PLSCR2: variants seen among roughly 807,000 people sequenced by gnomAD.
PLSCR2 encodes the protein phospholipid scramblase 2, also known as PL scramblase 2.
PLSCR2 carries 18 observed loss-of-function variants against 25.3 expected under a neutral mutation model. The ratio of observed to expected loss-of-function variants is 0.71; its 90% CI spans 0.49 to 1.06. The LOEUF (loss-of-function observed/expected upper bound fraction) is 1.06, where lower values mean the gene tolerates loss of function less well. Among genes scored for constraint, PLSCR2 ranks in the 50% least tolerant of loss-of-function variants. The pLI is 0.00. For missense variants in PLSCR2, 243 were observed against 269.5 expected (o/e 0.90, Z 0.69); for synonymous variants, 88 against 87.3 (o/e 1.01, Z -0.04).
Position 146,394,108 on chromosome 3 carries a change from C to CT in PLSCR2, c.*145+1651dup, listed in dbSNP as rs1319286179. The stretch of plus-strand genomic sequence containing the variant: ...TTTCTATTTTTTGGAGTCTTAATGT[C>CT]TTTTTTTTCCCCTGGTATTAATTTA... On this transcript the variant is annotated intron_variant and NMD_transcript_variant, in intron 3 of 3. Transcript: ENST00000463633. 4.6e-5 allele frequency among the ~76,000 whole-genome samples: 7 copies of CT among 151,728 alleles called. No homozygotes were observed. In the East Asian group the frequency reaches 7.7e-4, roughly 17 times the overall value.
In PLSCR2 at chr3:146,454,037, T is replaced by C. The variant is rs917179904; in HGVS notation, c.448A>G (p.Ile150Val). The C allele has an allele frequency of 1.9e-6, 3 of 1,608,542 alleles. No homozygotes were observed. The highest frequency in any genetic ancestry group is 2.5e-6 in the Non-Finnish European group (3 of 1,178,572). Residue 150 changes from isoleucine to valine, a missense_variant, in exon 5 of 7, where the codon ATC becomes GTC. Transcript: ENST00000610787. ...ACACCCGCAATACAGCTGCACACGA[T>C]ACATGGACCACTAATTTTTAGTACA...
At chr3:146,408,477 T>A (rs2038731308) in intron 2 of PLSCR2, among the ~76,000 whole-genome samples, 1 of 152,204 alleles carries the variant, frequency 6.6e-6, no homozygotes, top group African/African-American at 2.4e-5. Flanking sequence ...TTTGAATGCT[T>A]TATCAGCGGC....
intron 2 of PLSCR2, among the ~76,000 whole-genome samples, chr3:146,459,206 G>A (rs10935632): frequency 0.57 from 86,987 of 151,754 alleles, 25,383 homozygotes; most frequent in South Asian, 0.76. Context: ...TCTTCCAAAG[G>A]AAAAAAGCAT....
At position 146,400,959 on chromosome 3, in the gene PLSCR2, T is replaced by C. The variant is rs138490149; in HGVS notation, c.101-5038A>G. The stretch of plus-strand genomic sequence containing the variant: ...GTGTTTAAACAACTAAATATTAAAG[T>C]GGGAAAAAATGGATCTCAACACTTT... On this transcript the variant is annotated intron_variant and NMD_transcript_variant, in intron 2 of 3. Transcript: ENST00000463633. Among the ~76,000 whole-genome samples the C allele has an allele frequency of 2.0e-4, 30 of 151,808 alleles. No individual in the cohort carries two copies. In the East Asian group the frequency reaches 4.8e-3, roughly 24 times the overall value.
downstream of PLSCR2, among the ~76,000 whole-genome samples, chr3:146,431,587 CACTA>C (rs569554527): frequency 9.5e-4 from 145 of 152,286 alleles, no homozygotes; most frequent in Non-Finnish European, 1.1e-3. Flanking sequence ...CATCTCCCAC[CACTA>C]ACTAACTAAC....
intron 1 of PLSCR2, among the ~76,000 whole-genome samples, chr3:146,475,422 C>T (rs2042253988): frequency 6.6e-6 from 1 of 152,068 alleles, no homozygotes. Context: ...TGGGGGTTCA[C>T]TTCAGGCCCT....
At chr3:146,458,556 A>T in intron 2 of PLSCR2, 103 bp from the exon 3 acceptor site, 3 of 730,966 alleles carry the variant, frequency 4.1e-6, no homozygotes, top group South Asian at 4.1e-5. Context: ...AGTTATCGAC[A>T]TTTATCAATA....
chr3:146,463,593 TG>T (rs1244654472), upstream of PLSCR2, among the ~76,000 whole-genome samples: 8 of 152,298 alleles, frequency 5.3e-5, no homozygotes, highest in East Asian at 9.6e-4. Context: ...TAGATCCCAG[TG>T]CTTTTCATGA....
At chr3:146,395,359 G>T (rs112998485) in intron 3 of PLSCR2, among the ~76,000 whole-genome samples, 3 of 152,100 alleles carry the variant, frequency 2.0e-5, no homozygotes, top group African/African-American at 7.2e-5. Context: ...TTTGTATTGC[G>T]CAAGAGATAG....
downstream of PLSCR2, among the ~76,000 whole-genome samples, chr3:146,440,186 C>A (rs977203996): frequency 4.6e-5 from 7 of 152,190 alleles, no homozygotes; most frequent in African/African-American, 1.7e-4. Context: ...TTGGCCCCTA[C>A]TGGGAGATGC....
chr3:146,458,398 A>C lies in PLSCR2; in HGVS notation c.100+13T>G. On this transcript the variant is annotated intron_variant, in intron 3 of 6. Transcript: ENST00000610787. ...CTCTTTTTAGAACTATGAGCAATAC[A>C]ATTAATACATACCTTCCAGAAGTTC... 1 of 1,501,720 alleles carries C rather than the reference A, an allele frequency of 6.7e-7. No homozygotes were observed. Among genetic ancestry groups the C allele is most frequent in the Non-Finnish European group, 9.0e-7 (1 of 1,105,618 alleles). The allele number at this position is 1,501,720 out of a possible 1,614,324, so 93.0% of individuals were successfully genotyped here.
At chr3:146,413,630 A>G (rs999335427) in intron 2 of PLSCR2, among the ~76,000 whole-genome samples, 14 of 152,164 alleles carry the variant, frequency 9.2e-5, no homozygotes, top group African/African-American at 2.7e-4. Context: ...CCAGTTTTCA[A>G]CATCTTGTTT....
At chr3:146,451,462 T>A (rs1458799770) in intron 5 of PLSCR2, among the ~76,000 whole-genome samples, 1 of 121,102 alleles carries the variant, frequency 8.3e-6, no homozygotes, top group Admixed American at 9.3e-5. Context: ...AAAATGCTCA[T>A]AACTTTCTAA....
At chr3:146,454,930 C>T (rs560940901) in intron 4 of PLSCR2, among the ~76,000 whole-genome samples, 1 of 152,240 alleles carries the variant, frequency 6.6e-6, no homozygotes, top group Admixed American at 6.5e-5. Context: ...CTGATTTCGA[C>T]CATGCCTCTT....
At chr3:146,455,338 A>G (rs2041148810) in exon 4 of PLSCR2, 1 of 1,613,510 alleles carries the variant, frequency 6.2e-7, no homozygotes. Flanking sequence ...TCAAGGTAAA[A>G]GGTCTAGACC....
At chr3:146,484,549 G>C (rs914106823) in intron 1 of PLSCR2, among the ~76,000 whole-genome samples, 1 of 152,100 alleles carries the variant, frequency 6.6e-6, no homozygotes, top group Admixed American at 6.5e-5. Context: ...AGAAAGGCCT[G>C]GTTTCCTACA....
At chr3:146,472,196 T>C (rs193047295) in intron 1 of PLSCR2, among the ~76,000 whole-genome samples, 3 of 152,378 alleles carry the variant, frequency 2.0e-5, no homozygotes, top group East Asian at 3.9e-4. Flanking sequence ...ACAGCCAATT[T>C]TTATAAATAT....
At chr3:146,446,711 A>G (rs895760821) in intron 6 of PLSCR2, among the ~76,000 whole-genome samples, 1 of 152,276 alleles carries the variant, frequency 6.6e-6, no homozygotes, top group African/African-American at 2.4e-5. Flanking sequence ...CAAGTGTCAA[A>G]TCCAGTCAGG....
At chr3:146,426,745 A>T in intron 2 of PLSCR2, among the ~76,000 whole-genome samples, 1 of 152,248 alleles carries the variant, frequency 6.6e-6, no homozygotes, top group Non-Finnish European at 1.5e-5. Context: ...ACTAACCTGA[A>T]ATCTTTGAAA....
Sources: gnomAD v4.1 joint callset for allele counts (sites outside exome capture counted in the v4.1 genomes callset) on GRCh38, gnomAD v4.1.1 for gene constraint, MANE v1.5 for transcripts, NCBI Gene and HGNC (gene_info 2026-07-23, HGNC 2026-07-21) for gene names.